Variants in DCDC1 observed in about 807,000 individuals in gnomAD.
DCDC1 encodes doublecortin domain-containing protein 1.
In DCDC1, 200 loss-of-function variants were observed where a neutral mutation model predicts 178.3. The observed-to-expected ratio is 1.12, with a 90% CI of 1.00 to 1.26. The LOEUF is 1.26. Among genes scored for constraint, DCDC1 ranks in the 50% most tolerant of loss-of-function variants. The probability of loss-of-function intolerance (pLI) is 0.00; values close to 1 mark genes in which losing one functional copy is unlikely to be tolerated. For missense variants in DCDC1, 1,983 were observed against 1,749.2 expected, an observed-to-expected ratio of 1.13 and a Z score of -2.38; for synonymous variants, 690 against 604.8, an observed-to-expected ratio of 1.14 and a Z score of -2.07.
intron 9 of DCDC1, among the ~76,000 whole-genome samples, chr11:31,173,763 C>CACAT (rs1967577457): frequency 7.4e-6 from 1 of 134,778 alleles, no homozygotes; most frequent in Non-Finnish European, 1.7e-5. Flanking sequence ...CACACAAACA[C>CACAT]ACACACACCC....
At chr11:31,202,764 G>C (rs1971439757) in intron 9 of DCDC1, among the ~76,000 whole-genome samples, 1 of 152,208 alleles carries the variant, frequency 6.6e-6, no homozygotes, top group Non-Finnish European at 1.5e-5. Flanking sequence ...GAAGCAGACA[G>C]AGTTTGTTGA....
chr11:31,028,461 G>T (rs1953399606), intron 20 of DCDC1, among the ~76,000 whole-genome samples: 1 of 151,794 alleles, frequency 6.6e-6, no homozygotes, highest in African/African-American at 2.4e-5. Context: ...CTGATGCCCT[G>T]TCCATCTTTT....
chr11:30,928,315 A>G (rs987467094), intron 22 of DCDC1, among the ~76,000 whole-genome samples: 1 of 152,002 alleles, frequency 6.6e-6, no homozygotes, highest in Non-Finnish European at 1.5e-5. Flanking sequence ...CTTTCCAGCC[A>G]TCAGAATCAT....
chr11:30,869,976 G>C (rs1476361183), intron 38 of DCDC1, among the ~76,000 whole-genome samples: 1 of 152,130 alleles, frequency 6.6e-6, no homozygotes, highest in African/African-American at 2.4e-5. Flanking sequence ...AGGCTCTGGG[G>C]GTGGGGGTGT....
chr11:31,116,251 T>C (rs1282250644), intron 11 of DCDC1, among the ~76,000 whole-genome samples: 6 of 152,076 alleles, frequency 3.9e-5, no homozygotes, highest in Admixed American at 3.9e-4. Context: ...ACCTTATATC[T>C]AATATTAGAA....
At chr11:30,921,272 A>C (rs890724932) in intron 24 of DCDC1, among the ~76,000 whole-genome samples, 1 of 152,204 alleles carries the variant, frequency 6.6e-6, no homozygotes, top group Admixed American at 6.5e-5. Context: ...TCCCAGTCCC[A>C]GAGAAAGCCT....
chr11:31,139,221 A>C (rs973258866), intron 9 of DCDC1, among the ~76,000 whole-genome samples: 14 of 152,208 alleles, frequency 9.2e-5, no homozygotes, highest in African/African-American at 3.4e-4. Context: ...AACTTTAAAA[A>C]ACAACAATAA....
At chr11:31,122,843 A>T (rs1223991238) in intron 11 of DCDC1, among the ~76,000 whole-genome samples, 1 of 152,160 alleles carries the variant, frequency 6.6e-6, no homozygotes, top group East Asian at 1.9e-4. Flanking sequence ...TGCTATTCAC[A>T]ATGCAACACA....
chr11:30,939,694 T>C (rs1222340966), intron 21 of DCDC1, among the ~76,000 whole-genome samples: 1 of 152,328 alleles, frequency 6.6e-6, no homozygotes, highest in Admixed American at 6.5e-5. Flanking sequence ...ACCCCACCTC[T>C]ACATTTTGTT....
Position 31,130,409 on chromosome 11 carries a change from T to C in DCDC1, c.1315-2770A>G, listed in dbSNP as rs76158362. On this transcript the variant is annotated intron_variant, in intron 10 of 38. Transcript: ENST00000684477. ...TTCTTAGCAGAAGCTTTAAGAACCA[T>C]TGTGCAGTTCTGCCATTGCTCTCTT... Among the ~76,000 whole-genome samples, 1,256 of 152,240 alleles carry C rather than the reference T, an allele frequency of 8.3e-3. 22 individuals are homozygous for C. Among genetic ancestry groups the C allele is most frequent in the African/African-American group, 0.029 (1,202 of 41,532 alleles).
chr11:31,008,472 C>G (rs1951982796), intron 20 of DCDC1, among the ~76,000 whole-genome samples: 1 of 152,126 alleles, frequency 6.6e-6, no homozygotes, highest in Admixed American at 6.6e-5. Flanking sequence ...AGGAGCTCAT[C>G]TGAAGCACCT....
chr11:31,099,721 G>GTTTT (rs371157451), intron 15 of DCDC1, among the ~76,000 whole-genome samples: 1 of 136,202 alleles, frequency 7.3e-6, no homozygotes, highest in Non-Finnish European at 1.6e-5. Flanking sequence ...TTTGTTTGTT[G>GTTTT]TTTTTTTTTT....
intron 1 of DCDC1, among the ~76,000 whole-genome samples, chr11:31,336,265 G>A (rs1021156382): frequency 6.6e-6 from 1 of 152,210 alleles, no homozygotes; most frequent in African/African-American, 2.4e-5. Flanking sequence ...AGATATGAAA[G>A]AGGCAAGAAA....
chr11:31,337,958 A>C (rs1278334003), intron 1 of DCDC1, among the ~76,000 whole-genome samples: 1 of 152,096 alleles, frequency 6.6e-6, no homozygotes, highest in African/African-American at 2.4e-5. Flanking sequence ...AACATGACTG[A>C]CCTGTATTCA....
At chr11:31,174,710 C>G (rs1158746862) in intron 9 of DCDC1, among the ~76,000 whole-genome samples, 1 of 152,142 alleles carries the variant, frequency 6.6e-6, no homozygotes, top group East Asian at 1.9e-4. Context: ...CATTAAAAAC[C>G]TAGGACTCAG....
intron 21 of DCDC1, among the ~76,000 whole-genome samples, chr11:30,932,982 A>G: frequency 8.9e-6 from 1 of 112,938 alleles, no homozygotes; most frequent in South Asian, 3.0e-4. Context: ...GTCCAAGTTT[A>G]TTCTTTCTCT....
chr11:31,028,705 T>G (rs1459955548), intron 20 of DCDC1, among the ~76,000 whole-genome samples: 1 of 152,020 alleles, frequency 6.6e-6, no homozygotes, highest in African/African-American at 2.4e-5. Flanking sequence ...TACAAGATTG[T>G]GTTTTCCCCA....
intron 9 of DCDC1, among the ~76,000 whole-genome samples, chr11:31,175,623 A>T (rs997752695): frequency 7.2e-5 from 11 of 152,220 alleles, no homozygotes; most frequent in African/African-American, 2.7e-4. Context: ...GCCAATGGCC[A>T]TCTCAACAGG....
At chr11:31,180,702 C>T (rs1480394264) in intron 9 of DCDC1, among the ~76,000 whole-genome samples, 1 of 152,186 alleles carries the variant, frequency 6.6e-6, no homozygotes, top group Non-Finnish European at 1.5e-5. Flanking sequence ...GCCTTCGCAA[C>T]CCACAGACCA....
Sources: gnomAD v4.1 joint callset for allele counts (sites outside exome capture counted in the v4.1 genomes callset) on GRCh38, gnomAD v4.1.1 for gene constraint, MANE v1.5 for transcripts, NCBI Gene and HGNC (gene_info 2026-07-23, HGNC 2026-07-21) for gene names.